Variants in KRT80 observed in about 807,000 individuals in gnomAD.
KRT80 encodes keratin 80, also known as keratin, type II cytoskeletal 80.
A neutral mutation model predicts 51.5 loss-of-function variants in KRT80; 36 were observed. The ratio of observed to expected loss-of-function variants is 0.70; its 90% CI spans 0.54 to 0.92. The LOEUF (loss-of-function observed/expected upper bound fraction) is 0.92. Ranked by LOEUF, KRT80 falls within the 40% of genes least tolerant of loss-of-function variation. The pLI is 0.00. For missense variants in KRT80, 566 were observed against 591.7 expected (o/e 0.96, Z 0.45); for synonymous variants, 235 against 248.3 (o/e 0.95, Z 0.50).
chr12:52,179,301 A>G (rs1186552097), intron 4 of KRT80, among the ~76,000 whole-genome samples: 1 of 152,224 alleles, frequency 6.6e-6, no homozygotes, highest in East Asian at 1.9e-4. Context: ...GTTTGGGCAG[A>G]GAAGCCCCTA....
chr12:52,179,816 C>T (rs1654302304), intron 4 of KRT80, among the ~76,000 whole-genome samples: 1 of 152,192 alleles, frequency 6.6e-6, no homozygotes, highest in Admixed American at 6.5e-5. Context: ...GTGGAAGGGA[C>T]TTTAGCTCAG....
chr12:52,180,215 C>A (rs562749021), intron 4 of KRT80, among the ~76,000 whole-genome samples: 1 of 152,180 alleles, frequency 6.6e-6, no homozygotes, highest in African/African-American at 2.4e-5. Context: ...GACCCTTGTC[C>A]GAGGCACCTG....
intron 4 of KRT80, among the ~76,000 whole-genome samples, chr12:52,174,342 A>T (rs1208343426): frequency 1.3e-5 from 2 of 152,312 alleles, no homozygotes; most frequent in South Asian, 2.1e-4. Context: ...CTGGAGGCTG[A>T]CAAACCTGTA....
chr12:52,180,639 A>G (rs758588218), intron 3 of KRT80, 31 bp from the exon 4 acceptor site: 1 of 1,534,746 alleles, frequency 6.5e-7, no homozygotes, highest in Non-Finnish European at 8.8e-7. Flanking sequence ...GAGTGGTGGG[A>G]GAGGGAATGG....
rs373152996 is a variant in KRT80 at position 52,172,581 on chromosome 12, G to A, written c.958-163C>T. 6.6e-5 allele frequency among the ~76,000 whole-genome samples: 10 copies of A among 152,202 alleles called. No individual in the cohort carries two copies. In the South Asian group the frequency reaches 1.9e-3, roughly 28 times the overall value. On this transcript the variant is annotated intron_variant, in intron 6 of 8. Coordinates refer to ENST00000394815, the MANE Select transcript of KRT80 (RefSeq NM_182507.3). ...ACTGGTTGCCATGCAGCAAGAGGGAGTTCAGTTAGACCTGAAGAGGCACCT... is the reference window on the plus strand; with the variant it reads ...ACTGGTTGCCATGCAGCAAGAGGGAATTCAGTTAGACCTGAAGAGGCACCT...
intron 1 of KRT80, among the ~76,000 whole-genome samples, chr12:52,187,911 G>C (rs1463521727): frequency 6.6e-6 from 1 of 152,158 alleles, no homozygotes; most frequent in African/African-American, 2.4e-5. Context: ...TTCACACCAG[G>C]AAGTTCTTCC....
At chr12:52,181,299 A>G (rs989316654) in intron 2 of KRT80, among the ~76,000 whole-genome samples, 2 of 151,684 alleles carry the variant, frequency 1.3e-5, no homozygotes, top group Non-Finnish European at 2.9e-5. Context: ...TTATCCCCTC[A>G]TCTTTACCTG....
In KRT80 at chr12:52,170,793, C is replaced by A. The variant is rs1941078748; in HGVS notation, c.*605G>T. The A allele has an allele frequency of 6.5e-6, 1 of 152,828 alleles. No homozygotes were observed. Among genetic ancestry groups the A allele is most frequent in the Admixed American group, 6.5e-5 (1 of 15,282 alleles). The allele number at this position is 152,828 out of a possible 1,614,324, so 9.5% of individuals were successfully genotyped here. A position where few individuals can be genotyped will look rare whatever the true frequency, so the allele number is the denominator to read the frequency against. ...TGATCTCTGGGGCCTAGGCTTAGGTCCCAAATAGCCAGGGCCCCTCCTCCC... is the reference window on the plus strand; with the variant it reads ...TGATCTCTGGGGCCTAGGCTTAGGTACCAAATAGCCAGGGCCCCTCCTCCC... On this transcript the variant is annotated 3_prime_UTR_variant, in exon 9 of 9. Transcript: ENST00000394815.
chr12:52,177,902 A>G (rs1363071279), intron 4 of KRT80, among the ~76,000 whole-genome samples: 1 of 152,110 alleles, frequency 6.6e-6, no homozygotes, highest in African/African-American at 2.4e-5. Flanking sequence ...CGAAATAATT[A>G]TATTTTTGAT....
intron 4 of KRT80, among the ~76,000 whole-genome samples, chr12:52,174,209 C>T (rs756238255): frequency 2.0e-5 from 3 of 152,202 alleles, no homozygotes; most frequent in Non-Finnish European, 4.4e-5. Flanking sequence ...ACTGGACGAG[C>T]AGCTCCTTGT....
At chr12:52,173,395 A>G (rs1941154176) in intron 5 of KRT80, among the ~76,000 whole-genome samples, 1 of 151,814 alleles carries the variant, frequency 6.6e-6, no homozygotes, top group African/African-American at 2.4e-5. Flanking sequence ...ATTGCTGATA[A>G]CAGCACCACC....
chr12:52,180,715 G>C (rs773990270), intron 3 of KRT80, 107 bp from the exon 4 acceptor site: 1 of 1,603,776 alleles, frequency 6.2e-7, no homozygotes, highest in Admixed American at 1.7e-5. Context: ...GATTCCAGAG[G>C]AGATCTGGCT....
chr12:52,179,198 T>C (rs979116148), intron 4 of KRT80, among the ~76,000 whole-genome samples: 1 of 152,008 alleles, frequency 6.6e-6, no homozygotes, highest in African/African-American at 2.4e-5. Flanking sequence ...GCAGTATGAG[T>C]GGGTGGAGGC....
intron 1 of KRT80, among the ~76,000 whole-genome samples, chr12:52,188,777 G>T (rs1166695588): frequency 6.6e-6 from 1 of 152,174 alleles, no homozygotes; most frequent in Non-Finnish European, 1.5e-5. Context: ...CCTGCCTCTT[G>T]CCTCTCTCTC....
At chr12:52,189,081 T>C (rs529320488) in intron 1 of KRT80, among the ~76,000 whole-genome samples, 1 of 152,120 alleles carries the variant, frequency 6.6e-6, no homozygotes, top group Non-Finnish European at 1.5e-5. Context: ...CTCTACCACC[T>C]CCTGAGAGTC....
chr12:52,175,604 C>A (rs147567348), intron 4 of KRT80, among the ~76,000 whole-genome samples: 2,119 of 152,240 alleles, frequency 0.014, 41 homozygotes, highest in South Asian at 0.081. Context: ...CCCACCAGCA[C>A]CTCCTGGTGA....
chr12:52,187,849 T>C (rs1941428811), intron 1 of KRT80, among the ~76,000 whole-genome samples: 1 of 151,810 alleles, frequency 6.6e-6, no homozygotes, highest in Non-Finnish European at 1.5e-5. Context: ...GAGGGTGGAG[T>C]GAGAGGAGAG....
At chr12:52,178,690 G>A (rs186372848) in intron 4 of KRT80, among the ~76,000 whole-genome samples, 5 of 152,194 alleles carry the variant, frequency 3.3e-5, no homozygotes, top group Non-Finnish European at 7.3e-5. Flanking sequence ...AAGGGACCTT[G>A]CCCAGGCTGT....
intron 4 of KRT80, among the ~76,000 whole-genome samples, chr12:52,176,503 T>C (rs921996166): frequency 2.0e-5 from 3 of 149,732 alleles, no homozygotes; most frequent in Admixed American, 6.7e-5. Context: ...TTTTTTGAGA[T>C]GGAGTTTCAC....
Sources: gnomAD v4.1 joint callset for allele counts (sites outside exome capture counted in the v4.1 genomes callset) on GRCh38, gnomAD v4.1.1 for gene constraint, MANE v1.5 for transcripts, NCBI Gene and HGNC (gene_info 2026-07-23, HGNC 2026-07-21) for gene names.